Variants in SLC30A3 observed in about 807,000 individuals in gnomAD.
SLC30A3 encodes probable proton-coupled zinc antiporter SLC30A3.
A neutral mutation model predicts 35.6 loss-of-function variants in SLC30A3; 20 were observed. The ratio of observed to expected loss-of-function variants is 0.56; its 90% CI spans 0.39 to 0.82. The LOEUF (loss-of-function observed/expected upper bound fraction) is 0.82. Among genes scored for constraint, SLC30A3 ranks in the 40% least tolerant of loss-of-function variants. SLC30A3 has a pLI of 0.00. For synonymous variants in SLC30A3, 217 were observed against 224.7 expected, an observed-to-expected ratio of 0.97 and a Z score of 0.31; for missense variants, 401 against 530.6, an observed-to-expected ratio of 0.76 and a Z score of 2.40.
rs926443916 is a variant in SLC30A3 at position 27,271,619 on chromosome 2, T to C, written c.-159+3558A>G. On this transcript the variant is annotated intron_variant, in intron 1 of 5. Coordinates refer to the SLC30A3 transcript ENST00000424577. The surrounding 1 kb of genome is among the most constrained non-coding windows in gnomAD (Gnocchi z 4.3). ...GTGAGGGCCAGAGCCAGAGCTAAGA[T>C]CTAGGGCTTCTGACCCCTGGCTTGT... is the stretch of plus-strand genomic sequence containing the variant. Among the ~76,000 whole-genome samples the C allele has an allele frequency of 1.3e-5, 2 of 152,222 alleles. No individual in the cohort carries two copies. The highest frequency in any genetic ancestry group is 2.4e-5 in the African/African-American group (1 of 41,460).
At chr2:27,256,999 G>A in intron 5 of SLC30A3, 106 bp from the exon 6 acceptor site, 1 of 1,104,796 alleles carries the variant, frequency 9.1e-7, no homozygotes, top group Non-Finnish European at 1.4e-6. Context: ...AAACCCTGAA[G>A]AGGGGACAGG....
upstream of SLC30A3, chr2:27,263,179 G>A (rs1677317742): frequency 1.1e-5 from 12 of 1,053,218 alleles, no homozygotes; most frequent in Middle Eastern, 2.8e-4. Flanking sequence ...CACTGCCAAA[G>A]CCCCATTTCC....
chr2:27,255,115 C>T lies in SLC30A3; in HGVS notation c.*197G>A. ...TCACATCTATTCCCCTGACTCCCAC[C>T]CCACTCCCCGCCACACTTTGGTCTT... On this transcript the variant is annotated 3_prime_UTR_variant, in exon 8 of 8. Transcript: ENST00000233535. This position sits in a 1 kb window ranked among gnomAD's most constrained non-coding sequence, Gnocchi z 5.2. 4 of 1,534,392 alleles carry T rather than the reference C, an allele frequency of 2.6e-6. No individual in the cohort carries two copies. Among genetic ancestry groups the T allele is most frequent in the Non-Finnish European group, 3.5e-6 (4 of 1,145,970 alleles).
intron 1 of SLC30A3, among the ~76,000 whole-genome samples, chr2:27,260,407 C>A (rs1283519300): frequency 5.3e-5 from 8 of 152,148 alleles, no homozygotes; most frequent in Non-Finnish European, 1.5e-5. Context: ...TCTCCCTTGA[C>A]AAATGAATGG....
upstream of SLC30A3, among the ~76,000 whole-genome samples, chr2:27,264,617 C>T (rs891623027): frequency 6.6e-6 from 1 of 152,206 alleles, no homozygotes. This position sits in a 1 kb window ranked among gnomAD's most constrained non-coding sequence, Gnocchi z 6.1. Flanking sequence ...GTCCCCACCC[C>T]CGGCTGCGCC....
At chr2:27,275,233 C>G (rs1298906853) in exon 1 of SLC30A3, 2 of 1,303,926 alleles carry the variant, frequency 1.5e-6, no homozygotes, top group Non-Finnish European at 2.0e-6. Flanking sequence ...GTTGGGCCAT[C>G]AAGATGGGTG....
chr2:27,264,827 G>A (rs1357831767), upstream of SLC30A3, among the ~76,000 whole-genome samples: 3 of 152,330 alleles, frequency 2.0e-5, no homozygotes, highest in African/African-American at 7.2e-5. This position sits in a 1 kb window ranked among gnomAD's most constrained non-coding sequence, Gnocchi z 6.1. Context: ...TCACCTTTTC[G>A]GGCTACTTAT....
intron 1 of SLC30A3, among the ~76,000 whole-genome samples, chr2:27,273,322 G>A (rs1246970745): frequency 6.6e-6 from 1 of 152,174 alleles, no homozygotes; most frequent in Non-Finnish European, 1.5e-5. Flanking sequence ...AAGCGGTGGA[G>A]CAGAGCCCAG....
chr2:27,257,033 G>A lies in SLC30A3; in HGVS notation c.777+121C>T, dbSNP rs148450027. 21 of 1,182,482 alleles carry A rather than the reference G, an allele frequency of 1.8e-5. No individual in the cohort carries two copies. Among genetic ancestry groups the A allele is most frequent in the African/African-American group, 1.4e-4 (9 of 65,672 alleles). The allele number at this position is 1,182,482 out of a possible 1,614,324, so 73.2% of individuals were successfully genotyped here. On this transcript the variant is annotated intron_variant, in intron 5 of 7. Transcript: ENST00000233535. The surrounding 1 kb of genome is among the most constrained non-coding windows in gnomAD (Gnocchi z 4.7). The stretch of plus-strand genomic sequence containing the variant: ...GGGAACATGACTCATGTCTGGGAGA[G>A]TCCTGGGAGGTGGGAGGGAGGAGCT...
At chr2:27,264,517 G>A (rs559905242), upstream of SLC30A3, among the ~76,000 whole-genome samples, 10 of 152,298 alleles carry the variant, frequency 6.6e-5, no homozygotes, top group African/African-American at 1.9e-4. This position sits in a 1 kb window ranked among gnomAD's most constrained non-coding sequence, Gnocchi z 6.1. Flanking sequence ...GTGCCAAGGT[G>A]TGCGGGCGGC....
At chr2:27,260,629 C>A (rs1475668628) in intron 1 of SLC30A3, among the ~76,000 whole-genome samples, 1 of 152,108 alleles carries the variant, frequency 6.6e-6, no homozygotes, top group East Asian at 1.9e-4. Flanking sequence ...AACGATGGCT[C>A]CAGATAGAAA....
At position 27,258,050 on chromosome 2, in the gene SLC30A3, C is replaced by G; in HGVS notation, c.433G>C (p.Gly145Arg). ...TFGWHRSETL[G>R]ALASVVSLWM... is the part of the protein sequence containing the mutation. ...AGGGAGACCACAGAGGCCAAAGCCC[C>G]CAGAGTCTCTGCGGGTGGGGGGGGA... Residue 145 changes from glycine to arginine, a missense_variant, in exon 4 of 8, where the codon GGG becomes CGG. Physicochemically the swap from Gly to Arg is moderately radical, Grantham distance 125. Around this residue, in one of 3 missense-constraint regions of SLC30A3, gnomAD observed 296 missense variants for 392.6 expected, o/e 0.75. Transcript: ENST00000233535. This position sits in a 1 kb window ranked among gnomAD's most constrained non-coding sequence, Gnocchi z 4.0. 1 of 1,614,048 alleles carries G rather than the reference C, an allele frequency of 6.2e-7. No homozygotes were observed. Among genetic ancestry groups the G allele is most frequent in the Non-Finnish European group, 8.5e-7 (1 of 1,179,922 alleles).
At chr2:27,273,813 C>G (rs991362982) in intron 1 of SLC30A3, among the ~76,000 whole-genome samples, 1 of 151,770 alleles carries the variant, frequency 6.6e-6, no homozygotes, top group Non-Finnish European at 1.5e-5. Context: ...GCCTTCTGCT[C>G]TCTCTACCCA....
At chr2:27,266,861 C>T (rs1265841082), upstream of SLC30A3, among the ~76,000 whole-genome samples, 7 of 152,162 alleles carry the variant, frequency 4.6e-5, no homozygotes, top group Admixed American at 4.6e-4. Flanking sequence ...TATGCCACTG[C>T]ACTCCAGCCT....
chr2:27,274,530 A>G (rs1245243403), intron 1 of SLC30A3, among the ~76,000 whole-genome samples: 2 of 152,198 alleles, frequency 1.3e-5, no homozygotes, highest in African/African-American at 4.8e-5. Context: ...GTAAATTATA[A>G]GTGATGCAAA....
rs879024896 is a variant in SLC30A3, at chr2:27,254,793, C to T, written c.*519G>A. ...ACACACACACACACACACACACACA[C>T]ACACACAGACAAAACCACAGGGCTA... is the stretch of plus-strand genomic sequence containing the variant. On this transcript the variant is annotated 3_prime_UTR_variant, in exon 8 of 8. Transcript: ENST00000233535. The T allele has an allele frequency of 1.1e-5, 3 of 283,246 alleles. No individual in the cohort carries two copies. The South Asian group carries it at 1.1e-4, about 10-fold the overall frequency. 17.5% of individuals were successfully genotyped at this position (283,246 alleles called of 1,614,324 possible). A position where few individuals can be genotyped will look rare whatever the true frequency, so the allele number is the denominator to read the frequency against.
intron 1 of SLC30A3, among the ~76,000 whole-genome samples, chr2:27,260,677 G>A (rs1266671139): frequency 6.6e-6 from 1 of 152,218 alleles, no homozygotes; most frequent in Non-Finnish European, 1.5e-5. Context: ...GATGTCTGGG[G>A]CCTTCTGGCT....
chr2:27,265,631 C>G (rs575770459), upstream of SLC30A3, among the ~76,000 whole-genome samples: 8 of 152,168 alleles, frequency 5.3e-5, no homozygotes, highest in Admixed American at 6.5e-5. The surrounding 1 kb of genome is among the most constrained non-coding windows in gnomAD (Gnocchi z 5.9). Flanking sequence ...CCATGCTCCA[C>G]TCAGATGTCA....
At chr2:27,269,633 G>A (rs1257337277) in intron 1 of SLC30A3, among the ~76,000 whole-genome samples, 1 of 151,958 alleles carries the variant, frequency 6.6e-6, no homozygotes, top group Non-Finnish European at 1.5e-5. Context: ...GGTGTAGACT[G>A]ACTCTCTAAA....
Sources: gnomAD v4.1 joint callset for allele counts (sites outside exome capture counted in the v4.1 genomes callset) on GRCh38, gnomAD v4.1.1 for gene constraint, gnomAD v4.1.1 regional missense constraint, Gnocchi (gnomAD v3.1) non-coding constraint, MANE v1.5 for transcripts, NCBI Gene and HGNC (gene_info 2026-07-23, HGNC 2026-07-21) for gene names.